Variants in ABHD17B observed in about 807,000 individuals in gnomAD.
The protein encoded by ABHD17B is abhydrolase domain containing 17B, depalmitoylase.
A neutral mutation model predicts 26.2 loss-of-function variants in ABHD17B; 9 were observed. The observed-to-expected ratio is 0.34, with a 90% CI of 0.21 to 0.60. The LOEUF (loss-of-function observed/expected upper bound fraction) is 0.60. Ranked by LOEUF, ABHD17B falls within the 20% of genes least tolerant of loss-of-function variation. The pLI is 0.80. For missense variants in ABHD17B, 224 were observed against 352.1 expected, an observed-to-expected ratio of 0.64 and a Z score of 2.91; for synonymous variants, 127 against 122.3, an observed-to-expected ratio of 1.04 and a Z score of -0.25.
At chr9:71,902,210 C>T (rs1004162593) in intron 1 of ABHD17B, among the ~76,000 whole-genome samples, 2 of 152,146 alleles carry the variant, frequency 1.3e-5, no homozygotes, top group African/African-American at 2.4e-5. Flanking sequence ...TCCCCTGACC[C>T]GTGCCCATGC....
chr9:71,883,757 T>C (rs1826520680), intron 1 of ABHD17B, among the ~76,000 whole-genome samples: 1 of 152,016 alleles, frequency 6.6e-6, no homozygotes, highest in Non-Finnish European at 1.5e-5. Context: ...GCCAACATGG[T>C]GAAACCCCAT....
intron 1 of ABHD17B, among the ~76,000 whole-genome samples, chr9:71,881,591 C>A (rs1357198822): frequency 6.6e-6 from 1 of 152,136 alleles, no homozygotes; most frequent in African/African-American, 2.4e-5. Context: ...TACAATTCAA[C>A]AATTTTAAAA....
intron 1 of ABHD17B, among the ~76,000 whole-genome samples, chr9:71,900,711 A>C (rs1251726618): frequency 6.6e-6 from 1 of 151,560 alleles, no homozygotes; most frequent in East Asian, 1.9e-4. Context: ...GCCTTGTGTC[A>C]AGTGGCTTTT....
intron 1 of ABHD17B, among the ~76,000 whole-genome samples, chr9:71,879,907 C>T (rs1250067617): frequency 2.0e-5 from 3 of 152,144 alleles, no homozygotes; most frequent in African/African-American, 7.2e-5. Context: ...TGATACATGA[C>T]AGAATGACTC....
In ABHD17B at chr9:71,866,484, T is replaced by A; in HGVS notation, c.*303A>T. 1 of 1,071,602 alleles carries A rather than the reference T, an allele frequency of 9.3e-7. No homozygotes were observed. Among genetic ancestry groups the A allele is most frequent in the South Asian group, 3.8e-5 (1 of 26,468 alleles). 66.4% of individuals were successfully genotyped at this position (1,071,602 alleles called of 1,614,324 possible). On this transcript the variant is annotated 3_prime_UTR_variant, in exon 4 of 4. Transcript: ENST00000333421. ...ATTTGTTTCTAGTATGCAAAAGCAT[T>A]TGGCAATACTTTTACAGCATTTGAT...
chr9:71,866,248 T>C lies in ABHD17B; in HGVS notation c.*539A>G, dbSNP rs532583842. 1.6e-5 allele frequency: 16 copies of C among 982,488 alleles called. No individual in the cohort carries two copies. The highest frequency in any genetic ancestry group is 2.3e-4 in the East Asian group (2 of 8,792). The allele number at this position is 982,488 out of a possible 1,614,324, so 60.9% of individuals were successfully genotyped here. ...TAATCAGAGTATACAGAAAATTCAA[T>C]GTATTTTACAATAAAATAACTTTAA... On this transcript the variant is annotated 3_prime_UTR_variant, in exon 4 of 4. Transcript: ENST00000333421.
chr9:71,864,238 G>C (rs1242022120), downstream of ABHD17B, among the ~76,000 whole-genome samples: 1 of 6,256 alleles, frequency 1.6e-4, no homozygotes, highest in African/African-American at 5.3e-4. Flanking sequence ...TTTTTTTTTT[G>C]AGACAGAGTC....
chr9:71,908,439 C>A (rs56745631), intron 1 of ABHD17B, among the ~76,000 whole-genome samples: 2 of 150,762 alleles, frequency 1.3e-5, no homozygotes, highest in Admixed American at 1.3e-4. Context: ...TTCCCTCTCT[C>A]CAACTCACAA....
At chr9:71,902,115 C>CT (rs545733264) in intron 1 of ABHD17B, among the ~76,000 whole-genome samples, 537 of 152,298 alleles carry the variant, frequency 3.5e-3, no homozygotes, top group African/African-American at 0.012. Flanking sequence ...CAACTCATCA[C>CT]TCCCCCTTCA....
chr9:71,894,371 T>C (rs1826893304), intron 1 of ABHD17B, among the ~76,000 whole-genome samples: 1 of 152,068 alleles, frequency 6.6e-6, no homozygotes, highest in Non-Finnish European at 1.5e-5. Flanking sequence ...TTAAAGATGG[T>C]GTCTCAGTCT....
intron 1 of ABHD17B, among the ~76,000 whole-genome samples, chr9:71,875,748 A>G (rs1232436280): frequency 6.6e-6 from 1 of 152,254 alleles, no homozygotes; most frequent in Non-Finnish European, 1.5e-5. Flanking sequence ...GTAACTCAGC[A>G]AAAGTTCTTA....
Position 71,874,709 on chromosome 9 carries a change from T to G in ABHD17B, c.372A>C (p.Ser124=). The G allele has an allele frequency of 1.2e-6, 2 of 1,614,070 alleles. No homozygotes were observed. The highest frequency in any genetic ancestry group is 1.1e-5 in the South Asian group (1 of 91,082). Residue 124 remains serine (S), a synonymous_variant, in exon 2 of 4, where the codon TCA becomes TCC. Transcript: ENST00000333421. ...TGGCACCATATCCAGAATAATCATA[T>G]GAGAATATATTACAATTAATCCGTG... The part of the protein sequence containing the change: ...LGSRINCNIF[S]YDYSGYGASS...
chr9:71,894,820 C>T (rs750208838), intron 1 of ABHD17B, among the ~76,000 whole-genome samples: 33 of 151,424 alleles, frequency 2.2e-4, no homozygotes, highest in Non-Finnish European at 3.4e-4. Context: ...AGCAAGAACA[C>T]GTCTCCTAAA....
intron 1 of ABHD17B, among the ~76,000 whole-genome samples, chr9:71,889,611 G>T (rs1321061932): frequency 1.3e-5 from 2 of 152,068 alleles, no homozygotes; most frequent in East Asian, 3.9e-4. Flanking sequence ...ACTGTAAGTG[G>T]GATGTCAACA....
At chr9:71,867,152 GA>G in intron 3 of ABHD17B, 146 bp from the exon 4 acceptor site, 1 of 1,060,878 alleles carries the variant, frequency 9.4e-7, no homozygotes, top group Non-Finnish European at 1.3e-6. Flanking sequence ...TTTCCAGTAA[GA>G]TTCAAAAATT....
intron 1 of ABHD17B, among the ~76,000 whole-genome samples, chr9:71,880,770 A>G (rs1826417142): frequency 6.6e-6 from 1 of 152,062 alleles, no homozygotes; most frequent in Admixed American, 6.5e-5. Context: ...ATGCAGAAAA[A>G]TTTTAAATAA....
chr9:71,896,454 GATATCA>G (rs1230584691), intron 1 of ABHD17B, among the ~76,000 whole-genome samples: 1 of 152,102 alleles, frequency 6.6e-6, no homozygotes, highest in Non-Finnish European at 1.5e-5. Flanking sequence ...ACTTGGTCAA[GATATCA>G]AACTTCTAAA....
intron 2 of ABHD17B, among the ~76,000 whole-genome samples, chr9:71,872,030 T>C (rs1435909320): frequency 1.3e-5 from 2 of 152,232 alleles, no homozygotes. Flanking sequence ...CCTGGTTACT[T>C]AAGTCCTAAC....
intron 3 of ABHD17B, among the ~76,000 whole-genome samples, chr9:71,868,073 GC>G (rs1826008204): frequency 7.3e-6 from 1 of 137,280 alleles, no homozygotes; most frequent in Non-Finnish European, 1.6e-5. Context: ...AAAAAAATTA[GC>G]CAGGCATGAT....
Sources: gnomAD v4.1 joint callset for allele counts (sites outside exome capture counted in the v4.1 genomes callset) on GRCh38, gnomAD v4.1.1 for gene constraint, MANE v1.5 for transcripts, NCBI Gene and HGNC (gene_info 2026-07-23, HGNC 2026-07-21) for gene names.